DNMBP: variants seen among roughly 807,000 people sequenced by gnomAD.
The protein encoded by DNMBP is dynamin binding protein.
DNMBP carries 87 observed loss-of-function variants against 150.0 expected under a neutral mutation model. The observed-to-expected ratio is 0.58, with a 90% confidence interval of 0.49 to 0.69. The LOEUF (loss-of-function observed/expected upper bound fraction) is 0.69, where lower values mean the gene tolerates loss of function less well. DNMBP is among the 30% of genes least tolerant of loss of function. The probability of loss-of-function intolerance (pLI) is 0.00; values close to 1 mark genes in which losing one functional copy is unlikely to be tolerated. For missense variants in DNMBP, 1,774 were observed against 1,949.0 expected, an observed-to-expected ratio of 0.91 and a Z score of 1.69; for synonymous variants, 711 against 750.4, an observed-to-expected ratio of 0.95 and a Z score of 0.86.
chr10:99,995,947 CA>C (rs2040946870), intron 1 of DNMBP, among the ~76,000 whole-genome samples: 2 of 152,210 alleles, frequency 1.3e-5, no homozygotes, highest in African/African-American at 4.8e-5. Context: ...CACATTATTA[CA>C]GTACAATTAC....
At chr10:99,933,250 T>C (rs2040181043) in intron 4 of DNMBP, among the ~76,000 whole-genome samples, 1 of 151,296 alleles carries the variant, frequency 6.6e-6, no homozygotes, top group Non-Finnish European at 1.5e-5. Flanking sequence ...GAGCAGTGAT[T>C]GAGCCACTGC....
intron 5 of DNMBP, 144 bp from the exon 6 acceptor site, chr10:99,908,238 A>T: frequency 1.6e-6 from 1 of 634,864 alleles, no homozygotes; most frequent in Non-Finnish European, 2.8e-6. Context: ...TCCAGACTAG[A>T]AATATCCAAC....
intron 4 of DNMBP, among the ~76,000 whole-genome samples, chr10:99,924,202 C>T (rs1229721432): frequency 6.6e-6 from 1 of 151,380 alleles, no homozygotes; most frequent in Non-Finnish European, 1.5e-5. Context: ...CTTTGGGAGG[C>T]CGAGGCGGGT....
At chr10:99,975,824 T>G (rs2040723087) in intron 1 of DNMBP, among the ~76,000 whole-genome samples, 1 of 152,118 alleles carries the variant, frequency 6.6e-6, no homozygotes, top group South Asian at 2.1e-4. Flanking sequence ...TCCAGAAAAA[T>G]GGAGATAATC....
At chr10:99,926,730 G>A (rs2040082308) in intron 4 of DNMBP, among the ~76,000 whole-genome samples, 1 of 152,130 alleles carries the variant, frequency 6.6e-6, no homozygotes, top group South Asian at 2.1e-4. Flanking sequence ...GTGCAGAAAT[G>A]CCTCTCAATC....
In DNMBP at chr10:99,904,411, C is replaced by T. The variant is rs150087260; in HGVS notation, c.2554+3584G>A. 1.6e-4 allele frequency among the ~76,000 whole-genome samples: 24 copies of T among 152,242 alleles called. No homozygotes were observed. In the East Asian group the frequency reaches 3.5e-3, roughly 22 times the overall value. On this transcript the variant is annotated intron_variant, in intron 6 of 16. Transcript: ENST00000324109. Reference sequence around the variant, plus strand: ...CCTATGACCATGTACCCAGAGTCTCCCAGTGCTGCTTGATCATTCTCTATC... The same window carrying T: ...CCTATGACCATGTACCCAGAGTCTCTCAGTGCTGCTTGATCATTCTCTATC...
chr10:99,879,101 A>AAAAAAAAAAAAAAAAAAC lies in DNMBP; in HGVS notation c.4548+709_4548+710insGTTTTTTTTTTTTTTTTT, dbSNP rs1554857510. 5.5e-4 allele frequency among the ~76,000 whole-genome samples: 74 copies of AAAAAAAAAAAAAAAAAAC among 135,148 alleles called. 2 individuals carry two copies. Among genetic ancestry groups the AAAAAAAAAAAAAAAAAAC allele is most frequent in the Admixed American group, 1.4e-3 (19 of 13,514 alleles). 88.7% of individuals were successfully genotyped at this position (135,148 alleles called of 152,430 possible). A position where few individuals can be genotyped will look rare whatever the true frequency, so the allele number is the denominator to read the frequency against. ...CTCTGTCTCAAAAAAAAAAAAAAAA[A>AAAAAAAAAAAAAAAAAAC]CCCAAAACGTTTGAGATACAAAGCC... is the stretch of plus-strand genomic sequence containing the variant. On this transcript the variant is annotated intron_variant, in intron 16 of 16. Coordinates refer to ENST00000324109, the MANE Select transcript of DNMBP (RefSeq NM_015221.4).
intron 11 of DNMBP, among the ~76,000 whole-genome samples, chr10:99,890,743 G>A (rs984809052): frequency 6.6e-6 from 1 of 152,074 alleles, no homozygotes; most frequent in Admixed American, 6.5e-5. Context: ...ACCTCCCGGC[G>A]TCAAGCAATT....
Position 99,957,109 on chromosome 10 carries a change from C to T in DNMBP, c.365G>A (p.Arg122His), listed in dbSNP as rs1422909834. ...ARGFFPSSCV[R>H]ELCLSSQSRQ... The stretch of plus-strand genomic sequence containing the variant: ...GCTCTGTGAGGAGAGGCAGAGCTCG[C>T]GGACACATGAAGATGGGAAGAAGCC... Residue 122 changes from arginine to histidine, a missense_variant, in exon 4 of 17, where the codon CGC becomes CAC. Arg to His is a conservative substitution (Grantham distance 29). Coordinates refer to ENST00000324109, the MANE Select transcript of DNMBP (RefSeq NM_015221.4). 1.3e-5 allele frequency: 21 copies of T among 1,613,852 alleles called. No individual in the cohort carries two copies. The highest frequency in any genetic ancestry group is 8.8e-5 in the South Asian group (8 of 91,084).
chr10:99,965,546 G>A (rs911335692), intron 3 of DNMBP, among the ~76,000 whole-genome samples: 2 of 142,440 alleles, frequency 1.4e-5, no homozygotes, highest in African/African-American at 2.6e-5. Context: ...TGCCCAGGCT[G>A]GACTGCAGTG....
chr10:99,971,654 G>T (rs1030825511), intron 2 of DNMBP, among the ~76,000 whole-genome samples: 3 of 151,892 alleles, frequency 2.0e-5, no homozygotes, highest in African/African-American at 7.3e-5. Flanking sequence ...CTGAGTAGCT[G>T]GGATTACAGG....
chr10:99,885,045 G>A (rs2039435691), intron 14 of DNMBP, among the ~76,000 whole-genome samples: 1 of 152,130 alleles, frequency 6.6e-6, no homozygotes, highest in African/African-American at 2.4e-5. Flanking sequence ...TGGAAGAACT[G>A]AGGTTAAAAA....
intron 6 of DNMBP, among the ~76,000 whole-genome samples, chr10:99,901,384 C>T (rs2039735170): frequency 6.6e-6 from 1 of 152,170 alleles, no homozygotes; most frequent in South Asian, 2.1e-4. Flanking sequence ...ACGACCTAAT[C>T]TGACAGAAAC....
At chr10:99,935,087 C>CCAAAA (rs2040211807) in intron 4 of DNMBP, among the ~76,000 whole-genome samples, 1 of 48,540 alleles carries the variant, frequency 2.1e-5, no homozygotes, top group Non-Finnish European at 3.9e-5. Context: ...CCTGTCTCCA[C>CCAAAA]AAAAAAAAAA....
chr10:100,004,878 CAG>C (rs2041052095), intron 1 of DNMBP, among the ~76,000 whole-genome samples: 1 of 152,146 alleles, frequency 6.6e-6, no homozygotes, highest in Admixed American at 6.5e-5. Flanking sequence ...CTAAACATAA[CAG>C]GGAATAAATA....
chr10:99,977,041 G>C (rs1303014079), intron 1 of DNMBP, among the ~76,000 whole-genome samples: 1 of 152,126 alleles, frequency 6.6e-6, no homozygotes, highest in Non-Finnish European at 1.5e-5. Context: ...TAATCTGAAA[G>C]AGTTAAAGCT....
At chr10:99,902,599 C>CT (rs2039760747) in intron 6 of DNMBP, among the ~76,000 whole-genome samples, 1 of 147,780 alleles carries the variant, frequency 6.8e-6, no homozygotes, top group Non-Finnish European at 1.5e-5. Context: ...TGTGAAACAC[C>CT]GCACCCGGCT....
At chr10:99,898,351 G>GT in intron 8 of DNMBP, 66 bp from the exon 9 acceptor site, 1 of 1,390,820 alleles carries the variant, frequency 7.2e-7, no homozygotes. Flanking sequence ...TGGGAACATC[G>GT]TGAGACCCCA....
In DNMBP at chr10:99,983,722, G is replaced by A. The variant is rs1413960957; in HGVS notation, c.-10-11588C>T. ...AGAATGTCGAACTGGAAGAACAAAT[G>A]AAAACCCTGCGCTGGCTTAGGTGAG... is the stretch of plus-strand genomic sequence containing the variant. On this transcript the variant is annotated intron_variant, in intron 1 of 16. Transcript: ENST00000324109. Among the ~76,000 whole-genome samples the A allele has an allele frequency of 5.3e-5, 8 of 152,364 alleles. No homozygotes were observed. The South Asian group carries it at 1.7e-3, about 32-fold the overall frequency.
Sources: gnomAD v4.1 joint callset for allele counts (sites outside exome capture counted in the v4.1 genomes callset) on GRCh38, gnomAD v4.1.1 for gene constraint, MANE v1.5 for transcripts, NCBI Gene and HGNC (gene_info 2026-07-23, HGNC 2026-07-21) for gene names.